FSTL5: variants seen among roughly 807,000 people sequenced by gnomAD.
FSTL5 encodes follistatin like 5.
A neutral mutation model predicts 89.1 loss-of-function variants in FSTL5; 62 were observed. That is an observed-to-expected ratio of 0.70 (90% CI 0.57 to 0.86). The LOEUF is 0.86. FSTL5 is among the 40% of genes least tolerant of loss of function. FSTL5 has a pLI of 0.00. For missense variants in FSTL5, 1,057 were observed against 1,001.6 expected (o/e 1.06, Z -0.75); for synonymous variants, 383 against 346.2 (o/e 1.11, Z -1.18).
chr4:161,795,329 A>T (rs947171371), intron 4 of FSTL5, among the ~76,000 whole-genome samples: 1 of 152,152 alleles, frequency 6.6e-6, no homozygotes, highest in South Asian at 2.1e-4. Context: ...GCACTAAATT[A>T]TCTGTATTCC....
At chr4:161,726,967 G>T (rs551325786) in intron 6 of FSTL5, among the ~76,000 whole-genome samples, 16 of 150,814 alleles carry the variant, frequency 1.1e-4, no homozygotes, top group Non-Finnish European at 2.2e-4. Flanking sequence ...ATAAAGAAAA[G>T]CATTAAAATA....
At chr4:161,549,241 G>GT (rs1322217591) in intron 8 of FSTL5, among the ~76,000 whole-genome samples, 1 of 151,544 alleles carries the variant, frequency 6.6e-6, no homozygotes, top group East Asian at 1.9e-4. Context: ...ACATTTTTGA[G>GT]TCTTTGTTTT....
intron 4 of FSTL5, among the ~76,000 whole-genome samples, chr4:161,796,480 T>C (rs984172497): frequency 6.6e-6 from 1 of 151,806 alleles, no homozygotes; most frequent in Admixed American, 6.6e-5. Flanking sequence ...GTTATCTTAA[T>C]CCTACATAAA....
intron 7 of FSTL5, among the ~76,000 whole-genome samples, chr4:161,610,617 AAC>A (rs1316567059): frequency 6.6e-6 from 1 of 152,168 alleles, no homozygotes; most frequent in African/African-American, 2.4e-5. Flanking sequence ...CAGCACAGGC[AAC>A]AGTTTCCTTA....
intron 3 of FSTL5, among the ~76,000 whole-genome samples, chr4:161,971,565 G>A (rs17597729): frequency 0.092 from 13,962 of 152,010 alleles, 747 homozygotes; most frequent in East Asian, 0.21. Context: ...GAGTAACCAG[G>A]AACATGGAAT....
At chr4:161,413,738 A>G (rs1731679382) in intron 15 of FSTL5, among the ~76,000 whole-genome samples, 1 of 152,244 alleles carries the variant, frequency 6.6e-6, no homozygotes, top group African/African-American at 2.4e-5. Flanking sequence ...AATACTACAT[A>G]GACATAAAAT....
chr4:161,721,344 C>T (rs1486769837), intron 6 of FSTL5, among the ~76,000 whole-genome samples: 3 of 149,040 alleles, frequency 2.0e-5, no homozygotes, highest in Non-Finnish European at 3.0e-5. Context: ...TTAACTGTTC[C>T]TATCACAAAA....
intron 6 of FSTL5, among the ~76,000 whole-genome samples, chr4:161,674,674 C>T (rs148933471): frequency 2.4e-4 from 36 of 152,258 alleles, no homozygotes; most frequent in African/African-American, 8.7e-4. Flanking sequence ...TTGATTGGGA[C>T]ATTGCACATT....
chr4:162,053,653 G>T (rs1249915189), intron 2 of FSTL5, among the ~76,000 whole-genome samples: 1 of 151,498 alleles, frequency 6.6e-6, no homozygotes, highest in Non-Finnish European at 1.5e-5. Context: ...CACATGTAAG[G>T]TATAAGATCC....
chr4:161,846,449 C>T (rs776491706), intron 4 of FSTL5, among the ~76,000 whole-genome samples: 1 of 152,002 alleles, frequency 6.6e-6, no homozygotes, highest in East Asian at 1.9e-4. Context: ...AAGATAACAT[C>T]TTGAGGCATT....
chr4:162,036,113 C>A (rs558731429), intron 2 of FSTL5, among the ~76,000 whole-genome samples: 3 of 152,064 alleles, frequency 2.0e-5, no homozygotes, highest in South Asian at 4.1e-4. Context: ...TTAGCAATCT[C>A]GTCTAATCTC....
At chr4:161,401,727 C>T (rs1578945615) in intron 15 of FSTL5, among the ~76,000 whole-genome samples, 1 of 151,968 alleles carries the variant, frequency 6.6e-6, no homozygotes, top group Non-Finnish European at 1.5e-5. Flanking sequence ...TGGGATTTCA[C>T]CGTGTTAGCC....
chr4:161,576,987 A>T (rs1005775321), intron 8 of FSTL5, among the ~76,000 whole-genome samples: 1 of 152,196 alleles, frequency 6.6e-6, no homozygotes, highest in Non-Finnish European at 1.5e-5. Flanking sequence ...TTTTTATGAG[A>T]AGTTATGATC....
At chr4:161,533,565 G>GAGTA (rs1037736951) in intron 10 of FSTL5, among the ~76,000 whole-genome samples, 1 of 152,030 alleles carries the variant, frequency 6.6e-6, no homozygotes, top group Non-Finnish European at 1.5e-5. Context: ...TTTGGAAATT[G>GAGTA]AGTAAGTAAG....
chr4:161,611,758 C>T (rs1734661931), intron 7 of FSTL5, among the ~76,000 whole-genome samples: 1 of 152,106 alleles, frequency 6.6e-6, no homozygotes, highest in Non-Finnish European at 1.5e-5. Context: ...AAAGGTCTCT[C>T]TATCAGGAGG....
At chr4:161,856,388 T>C (rs1483903461) in intron 4 of FSTL5, among the ~76,000 whole-genome samples, 1 of 151,988 alleles carries the variant, frequency 6.6e-6, no homozygotes, top group African/African-American at 2.4e-5. Context: ...AATTATAAAA[T>C]TAAATAAATA....
chr4:162,035,139 A>AG (rs1737684796), intron 2 of FSTL5: 2 of 152,240 alleles, frequency 1.3e-5, no homozygotes, highest in African/African-American at 2.4e-5. Context: ...TCATTCATTC[A>AG]TTCAGTCAGT....
At chr4:161,850,410 A>G (rs879557942) in intron 4 of FSTL5, among the ~76,000 whole-genome samples, 1 of 152,226 alleles carries the variant, frequency 6.6e-6, no homozygotes, top group Non-Finnish European at 1.5e-5. Flanking sequence ...ATTCAGCATG[A>G]TAAGACAAGG....
At chr4:162,089,806 C>T (rs1209870704) in intron 2 of FSTL5, among the ~76,000 whole-genome samples, 1 of 151,960 alleles carries the variant, frequency 6.6e-6, no homozygotes, top group Non-Finnish European at 1.5e-5. Context: ...TTAACCAATG[C>T]TTGATAAAAA....
Sources: allele counts gnomAD v4.1 joint callset (sites outside exome capture counted in the v4.1 genomes callset), GRCh38; gene constraint gnomAD v4.1.1; transcripts MANE v1.5; gene names NCBI Gene and HGNC (gene_info 2026-07-23, HGNC 2026-07-21).